EIF4G3: variants seen among roughly 807,000 people sequenced by gnomAD.
EIF4G3 encodes the protein eIF-4-gamma 3.
EIF4G3 carries 34 observed loss-of-function variants against 186.4 expected under a neutral mutation model. The observed-to-expected ratio is 0.18, with a 90% CI of 0.14 to 0.24. The LOEUF (loss-of-function observed/expected upper bound fraction) is 0.24, where lower values mean the gene tolerates loss of function less well. Ranked by LOEUF, EIF4G3 falls within the 10% of genes least tolerant of loss-of-function variation. The probability of loss-of-function intolerance (pLI) is 1.00; values close to 1 mark genes in which losing one functional copy is unlikely to be tolerated. For synonymous variants in EIF4G3, 673 were observed against 679.5 expected (o/e 0.99, Z 0.15); for missense variants, 1,536 against 1,948.5 (o/e 0.79, Z 3.99).
intron 14 of EIF4G3, among the ~76,000 whole-genome samples, chr1:20,923,809 C>CTATATATATATATATATATATATA (rs10587649): frequency 2.1e-5 from 3 of 143,880 alleles, no homozygotes; most frequent in African/African-American, 7.7e-5. Context: ...TTACCCATCC[C>CTATATATATATATATATATATATA]TATATATATA....
Position 21,000,603 on chromosome 1 carries a change from A to C in EIF4G3, c.144+596T>G, listed in dbSNP as rs57123143. Among the ~76,000 whole-genome samples the C allele has an allele frequency of 5.2e-3, 787 of 152,084 alleles. 7 individuals carry two copies. The highest frequency in any genetic ancestry group is 0.018 in the African/African-American group (753 of 41,488). Reference sequence around the variant, plus strand: ...TTCACCCTCCCAGCACAAAAAAAAAACAAAAAACAAAAACAAAAAAAAACC... The same window carrying C: ...TTCACCCTCCCAGCACAAAAAAAAACCAAAAAACAAAAACAAAAAAAAACC... On this transcript the variant is annotated intron_variant, in intron 6 of 36. Coordinates refer to ENST00000602326, the MANE Select transcript of EIF4G3 (RefSeq NM_001391906.1).
intron 3 of EIF4G3, among the ~76,000 whole-genome samples, chr1:21,052,815 G>A (rs1468298278): frequency 5.3e-5 from 8 of 151,996 alleles, no homozygotes; most frequent in Middle Eastern, 3.4e-3. Flanking sequence ...GCTCCTAACC[G>A]CGAGTGATCC....
intron 6 of EIF4G3, chr1:20,999,760 T>C (rs1370449237): frequency 2.2e-6 from 1 of 453,014 alleles, no homozygotes; most frequent in Non-Finnish European, 4.4e-6. Context: ...ACAATAGTCT[T>C]AATCCTATGG....
At chr1:21,142,067 G>T (rs1477180961) in intron 2 of EIF4G3, among the ~76,000 whole-genome samples, 1 of 152,146 alleles carries the variant, frequency 6.6e-6, no homozygotes, top group Non-Finnish European at 1.5e-5. Context: ...CAAAAAAATG[G>T]AGATAGATAT....
At chr1:20,917,632 C>G (rs2094030414) in intron 14 of EIF4G3, among the ~76,000 whole-genome samples, 5 of 152,088 alleles carry the variant, frequency 3.3e-5, no homozygotes, top group African/African-American at 1.2e-4. Context: ...GGTAGTAGTG[C>G]AGGAGGGAGG....
chr1:20,822,067 G>A (rs939016857), intron 33 of EIF4G3, among the ~76,000 whole-genome samples: 31 of 151,954 alleles, frequency 2.0e-4, no homozygotes, highest in African/African-American at 6.8e-4. Context: ...TAGTAGAGAC[G>A]GGGATTCACC....
chr1:21,096,736 T>C (rs2096381852), intron 2 of EIF4G3, among the ~76,000 whole-genome samples: 1 of 152,358 alleles, frequency 6.6e-6, no homozygotes, highest in African/African-American at 2.4e-5. Flanking sequence ...ACTAACTGAA[T>C]GCTACTCACA....
At position 21,058,715 on chromosome 1, in the gene EIF4G3, CTCTCTTTTTTTTTTTTT is replaced by C. The variant is rs1244044219; in HGVS notation, c.-195-7738_-195-7722del. On this transcript the variant is annotated intron_variant, in intron 3 of 36. Coordinates refer to ENST00000602326, the MANE Select transcript of EIF4G3 (RefSeq NM_001391906.1). Reference sequence around the variant, plus strand: ...TAATTTTTCTTCTTCTTCTCTCTCTCTCTCTTTTTTTTTTTTTTTTTTTTTTTTTTTTTTGTAGAGAC... The same window carrying C: ...TAATTTTTCTTCTTCTTCTCTCTCTCTTTTTTTTTTTTTTTTTGTAGAGAC... Among the ~76,000 whole-genome samples the C allele has an allele frequency of 2.6e-4, 30 of 117,218 alleles. 1 individual carries two copies. In the South Asian group the frequency reaches 3.4e-3, roughly 13 times the overall value. The allele number at this position is 117,218 out of a possible 152,430, so 76.9% of individuals were successfully genotyped here.
chr1:21,093,426 G>A lies in EIF4G3; in HGVS notation c.-271-4213C>T, dbSNP rs1344336408. Among the ~76,000 whole-genome samples the A allele has an allele frequency of 2.0e-5, 3 of 152,290 alleles. No individual in the cohort carries two copies. The East Asian group carries it at 5.8e-4, about 29-fold the overall frequency. On this transcript the variant is annotated intron_variant, in intron 2 of 36. Transcript: ENST00000602326. ...ATATTATCTCACACCAGTTAGAATGGCGATCATTAAAAAGTCAGGAAATAA... is the reference window on the plus strand; with the variant it reads ...ATATTATCTCACACCAGTTAGAATGACGATCATTAAAAAGTCAGGAAATAA...
intron 14 of EIF4G3, among the ~76,000 whole-genome samples, chr1:20,917,516 C>G (rs761131731): frequency 6.6e-6 from 1 of 152,086 alleles, no homozygotes. Context: ...CAGAAAGAAG[C>G]CAGACAAAAA....
At chr1:20,843,043 T>C (rs2069281700) in intron 29 of EIF4G3, among the ~76,000 whole-genome samples, 1 of 151,946 alleles carries the variant, frequency 6.6e-6, no homozygotes. Flanking sequence ...ATGGATATCT[T>C]GCCCAGGCTG....
At position 20,849,548 on chromosome 1, in the gene EIF4G3, C is replaced by CA; in HGVS notation, c.3773-19dup. 10 of 1,273,406 alleles carry CA rather than the reference C, an allele frequency of 7.9e-6. No individual in the cohort carries two copies. Among genetic ancestry groups the CA allele is most frequent in the African/African-American group, 1.5e-5 (1 of 64,912 alleles). The allele number at this position is 1,273,406 out of a possible 1,614,324, so 78.9% of individuals were successfully genotyped here. On this transcript the variant is annotated intron_variant, in intron 28 of 36. Transcript: ENST00000602326. ...TGGTTTTGCTATTAGTGAGGCCCCC[C>CA]AAAAAAAGTAAAAATAATAAAAATT...
intron 2 of EIF4G3, among the ~76,000 whole-genome samples, chr1:21,173,525 C>T (rs1046027455): frequency 2.6e-5 from 4 of 151,876 alleles, no homozygotes; most frequent in East Asian, 3.9e-4. Flanking sequence ...AGTCTGATCA[C>T]GCCTTACAAA....
chr1:21,082,760 C>T (rs1208614281), intron 3 of EIF4G3, among the ~76,000 whole-genome samples: 4 of 151,834 alleles, frequency 2.6e-5, no homozygotes, highest in South Asian at 2.1e-4. Context: ...AAAAATTGGC[C>T]GGGCGCGGTG....
chr1:21,080,327 A>G (rs566549928), intron 3 of EIF4G3, among the ~76,000 whole-genome samples: 7 of 151,658 alleles, frequency 4.6e-5, no homozygotes, highest in African/African-American at 1.2e-4. Context: ...ACAAAAAAAA[A>G]AGAGAGAGAG....
intron 2 of EIF4G3, among the ~76,000 whole-genome samples, chr1:21,107,321 G>A (rs1197792417): frequency 3.9e-5 from 6 of 151,974 alleles, no homozygotes; most frequent in East Asian, 3.9e-4. Flanking sequence ...GACTACAGGC[G>A]TGTACCACCA....
intron 2 of EIF4G3, among the ~76,000 whole-genome samples, chr1:21,146,877 A>C (rs1310340423): frequency 1.3e-5 from 2 of 152,230 alleles, no homozygotes; most frequent in Non-Finnish European, 2.9e-5. Flanking sequence ...AGTCTATAAA[A>C]TACTACTAGT....
At chr1:21,075,570 CAAAAAAAAAA>C (rs55649192) in intron 3 of EIF4G3, among the ~76,000 whole-genome samples, 9 of 51,552 alleles carry the variant, frequency 1.7e-4, no homozygotes, top group Non-Finnish European at 1.3e-4. Context: ...CTCCAACTCA[CAAAAAAAAAA>C]AAAAAAAAAA....
At chr1:21,045,464 G>GA (rs1395237112) in intron 4 of EIF4G3, among the ~76,000 whole-genome samples, 1 of 151,992 alleles carries the variant, frequency 6.6e-6, no homozygotes, top group Admixed American at 6.6e-5. Flanking sequence ...TCCTCTCCCA[G>GA]AAAAAAACAG....
Sources: allele counts gnomAD v4.1 joint callset (sites outside exome capture counted in the v4.1 genomes callset), GRCh38; gene constraint gnomAD v4.1.1; transcripts MANE v1.5; gene names NCBI Gene and HGNC (gene_info 2026-07-23, HGNC 2026-07-21).